Variants in CSMD1 observed in about 807,000 individuals in gnomAD.
The protein encoded by CSMD1 is CUB and Sushi multiple domains 1, also known as CUB and sushi domain-containing protein 1.
CSMD1 carries 213 observed loss-of-function variants against 417.5 expected under a neutral mutation model. That is an observed-to-expected ratio of 0.51 (90% CI 0.46 to 0.57). The LOEUF is 0.57. Among genes scored for constraint, CSMD1 ranks in the 20% least tolerant of loss-of-function variants. The pLI is 0.00. For missense variants in CSMD1, 6,923 were observed against 4,529.7 expected (o/e 1.53, Z -15.17); for synonymous variants, 2,862 against 1,736.8 (o/e 1.65, Z -16.11).
intron 1 of CSMD1, chr8:4,787,910 C>T (rs1797493702): frequency 1.3e-6 from 2 of 1,589,280 alleles, no homozygotes; most frequent in African/African-American, 2.7e-5. Context: ...GATGTAACCA[C>T]AAAGAAATTG....
intron 3 of CSMD1, among the ~76,000 whole-genome samples, chr8:4,184,239 T>A (rs1798539796): frequency 6.6e-6 from 1 of 152,238 alleles, no homozygotes; most frequent in Non-Finnish European, 1.5e-5. Flanking sequence ...ACAATATATT[T>A]ATTTAGCATT....
At chr8:3,870,353 A>T (rs548429608) in intron 5 of CSMD1, among the ~76,000 whole-genome samples, 9 of 152,196 alleles carry the variant, frequency 5.9e-5, no homozygotes, top group Admixed American at 2.0e-4. Context: ...GCACATATGT[A>T]AAAAGACCAG....
chr8:4,678,611 A>T (rs183228400), intron 1 of CSMD1, among the ~76,000 whole-genome samples: 4 of 152,296 alleles, frequency 2.6e-5, no homozygotes, highest in Admixed American at 6.5e-5. Flanking sequence ...TACAATATGC[A>T]TTTACATTAC....
At chr8:4,203,466 C>T (rs567962298) in intron 3 of CSMD1, among the ~76,000 whole-genome samples, 7 of 152,222 alleles carry the variant, frequency 4.6e-5, no homozygotes, top group African/African-American at 1.7e-4. Context: ...TTTCTTCTTT[C>T]TATAATGAAG....
chr8:4,050,958 T>G lies in CSMD1; in HGVS notation c.416-18859A>C, dbSNP rs746088554. Among the ~76,000 whole-genome samples the G allele has an allele frequency of 4.8e-4, 73 of 152,174 alleles. 1 individual carries two copies. The highest frequency in any genetic ancestry group is 2.8e-3 in the Admixed American group (43 of 15,286). On this transcript the variant is annotated intron_variant, in intron 3 of 69. Coordinates refer to ENST00000635120, the MANE Select transcript of CSMD1 (RefSeq NM_033225.6). Reference sequence around the variant, plus strand: ...CATCCATGATAAGGTCTCACTTGGTTGGAGAAAGGCTGCAGATGGAGGAGG... The same window carrying G: ...CATCCATGATAAGGTCTCACTTGGTGGGAGAAAGGCTGCAGATGGAGGAGG...
chr8:3,080,918 C>A (rs990700026), intron 49 of CSMD1, among the ~76,000 whole-genome samples: 1 of 151,808 alleles, frequency 6.6e-6, no homozygotes, highest in South Asian at 2.1e-4. Flanking sequence ...AAATATGATG[C>A]GTCTACAATG....
Position 3,502,829 on chromosome 8 carries a change from C to T in CSMD1, c.1345-9103G>A, listed in dbSNP as rs113074382. The stretch of plus-strand genomic sequence containing the variant: ...CCAAATCCACAGAGTAAATAGCAGC[C>T]GGAGTGAGCCCTAACGTGCACTATG... On this transcript the variant is annotated intron_variant, in intron 10 of 69. Transcript: ENST00000635120. Among the ~76,000 whole-genome samples the T allele has an allele frequency of 3.2e-3, 486 of 152,156 alleles. 5 individuals are homozygous for T. The highest frequency in any genetic ancestry group is 6.8e-3 in the Middle Eastern group (2 of 294).
chr8:3,545,132 T>C (rs1798605177), intron 10 of CSMD1, among the ~76,000 whole-genome samples: 2 of 152,194 alleles, frequency 1.3e-5, no homozygotes, highest in East Asian at 1.9e-4. Flanking sequence ...GTCTCTCTCT[T>C]TCTCCGTCAT....
At chr8:3,293,097 G>T (rs1461627386) in intron 25 of CSMD1, among the ~76,000 whole-genome samples, 2 of 151,806 alleles carry the variant, frequency 1.3e-5, no homozygotes, top group Non-Finnish European at 2.9e-5. Context: ...GCTTAGTTTG[G>T]CTGGATATGA....
intron 6 of CSMD1, among the ~76,000 whole-genome samples, chr8:3,719,229 T>C (rs949962395): frequency 6.6e-6 from 1 of 151,550 alleles, no homozygotes; most frequent in South Asian, 2.1e-4. Flanking sequence ...CCTTCCAAGG[T>C]GTTCACCTTG....
chr8:4,436,861 T>A (rs1308422333), intron 2 of CSMD1, among the ~76,000 whole-genome samples: 1 of 152,212 alleles, frequency 6.6e-6, no homozygotes, highest in Non-Finnish European at 1.5e-5. Context: ...ATCCTTTTTG[T>A]GGCTGAAGAG....
At chr8:4,964,707 T>C (rs540124908) in intron 1 of CSMD1, among the ~76,000 whole-genome samples, 14 of 152,216 alleles carry the variant, frequency 9.2e-5, no homozygotes, top group Non-Finnish European at 1.5e-4. Flanking sequence ...AACTCAGTTA[T>C]GGTCACTAAG....
Position 3,539,673 on chromosome 8 carries a change from T to C in CSMD1, c.1344+35272A>G, listed in dbSNP as rs540312074. On this transcript the variant is annotated intron_variant, in intron 10 of 69. Coordinates refer to ENST00000635120, the MANE Select transcript of CSMD1 (RefSeq NM_033225.6). ...ACTGTTGGGTGACCTTGTCACCCAC[T>C]AAGAACCAAATCAAGTGTGGGATAA... is the stretch of plus-strand genomic sequence containing the variant. Among the ~76,000 whole-genome samples the C allele has an allele frequency of 2.9e-4, 44 of 150,340 alleles. No homozygotes were observed. In the South Asian group the frequency reaches 3.8e-3, roughly 13 times the overall value.
chr8:3,944,991 G>A (rs190187856), intron 5 of CSMD1, among the ~76,000 whole-genome samples: 14 of 152,190 alleles, frequency 9.2e-5, no homozygotes, highest in Admixed American at 2.0e-4. Flanking sequence ...CATCTAATGC[G>A]GTTCACCCGC....
intron 12 of CSMD1, among the ~76,000 whole-genome samples, chr8:3,464,277 G>A (rs1162360528): frequency 6.6e-6 from 1 of 152,064 alleles, no homozygotes; most frequent in Non-Finnish European, 1.5e-5. Flanking sequence ...CCATAAAAAC[G>A]TGGGACCACT....
intron 3 of CSMD1, among the ~76,000 whole-genome samples, chr8:4,332,026 G>A (rs1799894497): frequency 6.6e-6 from 1 of 152,128 alleles, no homozygotes. Context: ...CACAAACAAT[G>A]ATGGATGCTT....
chr8:4,167,550 T>A (rs1563213834), intron 3 of CSMD1, among the ~76,000 whole-genome samples: 1 of 152,150 alleles, frequency 6.6e-6, no homozygotes, highest in African/African-American at 2.4e-5. Context: ...ATCTTGCTTG[T>A]TGCAGAAATT....
chr8:4,131,926 C>G (rs895479398), intron 3 of CSMD1, among the ~76,000 whole-genome samples: 2 of 151,966 alleles, frequency 1.3e-5, no homozygotes, highest in Non-Finnish European at 2.9e-5. Flanking sequence ...CCACACCTGG[C>G]TACTTTTTTG....
intron 3 of CSMD1, among the ~76,000 whole-genome samples, chr8:4,116,789 T>C (rs1802175908): frequency 6.6e-6 from 1 of 151,586 alleles, no homozygotes; most frequent in South Asian, 2.1e-4. Context: ...TGTTCGGTTT[T>C]GCTGTCAACC....
Sources: allele counts gnomAD v4.1 joint callset (sites outside exome capture counted in the v4.1 genomes callset), GRCh38; gene constraint gnomAD v4.1.1; transcripts MANE v1.5; gene names NCBI Gene and HGNC (gene_info 2026-07-23, HGNC 2026-07-21).